The following YEATS2 variants were observed in gnomAD, a reference collection of about 807,000 sequenced individuals.
YEATS2 encodes the protein YEATS domain containing 2.
In YEATS2, 77 loss-of-function variants were observed where a neutral mutation model predicts 163.2. That is an observed-to-expected ratio of 0.47 (90% CI 0.39 to 0.57). The LOEUF (loss-of-function observed/expected upper bound fraction) is 0.57, where lower values mean the gene tolerates loss of function less well. Ranked by LOEUF, YEATS2 falls within the 20% of genes least tolerant of loss-of-function variation. YEATS2 has a pLI of 0.00. For missense variants in YEATS2, 1,549 were observed against 1,729.8 expected (o/e 0.90, Z 1.85); for synonymous variants, 631 against 645.1 (o/e 0.98, Z 0.33).
chr3:183,810,824 G>A lies in YEATS2; in HGVS notation c.*241G>A, dbSNP rs1238414504. 2 of 495,102 alleles carry A rather than the reference G, an allele frequency of 4.0e-6. No individual in the cohort carries two copies. The highest frequency in any genetic ancestry group is 3.7e-6 in the Non-Finnish European group (1 of 271,804). 30.7% of individuals were successfully genotyped at this position (495,102 alleles called of 1,614,324 possible). On this transcript the variant is annotated 3_prime_UTR_variant, in exon 31 of 31. Coordinates refer to ENST00000305135, the MANE Select transcript of YEATS2 (RefSeq NM_018023.5). The stretch of plus-strand genomic sequence containing the variant: ...CTGTCAGTGGATCCGTGCTTTGTCG[G>A]CCAGCGTTTCTGCAGTCTTTGTAAA...
chr3:183,708,003 G>A lies in YEATS2; in HGVS notation c.-19-7141G>A, dbSNP rs559620496. ...CCCCCTCCCCAACTTTAAACCAGATGGGAAGTCTTGAGTGAGAGCCCCAAG... is the reference window on the plus strand; with the variant it reads ...CCCCCTCCCCAACTTTAAACCAGATAGGAAGTCTTGAGTGAGAGCCCCAAG... On this transcript the variant is annotated intron_variant, in intron 1 of 30. Coordinates refer to ENST00000305135, the MANE Select transcript of YEATS2 (RefSeq NM_018023.5). Among the ~76,000 whole-genome samples, 3 of 151,984 alleles carry A rather than the reference G, an allele frequency of 2.0e-5. No homozygotes were observed. In the East Asian group the frequency reaches 5.8e-4, roughly 29 times the overall value.
At chr3:183,718,933 G>A (rs1387537014) in intron 4 of YEATS2, among the ~76,000 whole-genome samples, 2 of 152,094 alleles carry the variant, frequency 1.3e-5, no homozygotes, top group African/African-American at 4.8e-5. Context: ...GACCTCAGGT[G>A]ATCCACCCAC....
intron 15 of YEATS2, among the ~76,000 whole-genome samples, chr3:183,771,657 C>G (rs1253161524): frequency 2.8e-5 from 4 of 143,570 alleles, no homozygotes; most frequent in Non-Finnish European, 6.0e-5. Flanking sequence ...CTCAAGGGAT[C>G]CTCCCCTGCC....
chr3:183,739,236 T>C (rs950925093), intron 8 of YEATS2, among the ~76,000 whole-genome samples: 4 of 151,852 alleles, frequency 2.6e-5, no homozygotes, highest in Admixed American at 2.0e-4. Flanking sequence ...AAAATCTCCT[T>C]AAGCTGATAA....
chr3:183,722,253 T>G, intron 5 of YEATS2, 117 bp downstream of exon 5: 3 of 1,127,672 alleles, frequency 2.7e-6, no homozygotes, highest in Non-Finnish European at 3.6e-6. Context: ...AGGTTTGTTT[T>G]CCTTTTATAA....
chr3:183,730,062 T>TGG (rs2109114108), intron 7 of YEATS2, among the ~76,000 whole-genome samples: 1 of 92,772 alleles, frequency 1.1e-5, no homozygotes, highest in East Asian at 2.8e-4. Context: ...GTTTTTTTTT[T>TGG]TTTTTTTTTT....
chr3:183,800,924 C>T (rs540946471), intron 24 of YEATS2: 5 of 197,906 alleles, frequency 2.5e-5, no homozygotes, highest in Non-Finnish European at 3.1e-5. Context: ...GGTGTCCACA[C>T]ACCTGCCTCA....
Position 183,758,847 on chromosome 3 carries a change from T to A in YEATS2, c.1553-15T>A. ...TTTTACTTTGTTTATGTTTTAATTG[T>A]GCCTTGCTTATCAGGAAGTCCTACA... is the stretch of plus-strand genomic sequence containing the variant. On this transcript the variant is annotated splice_polypyrimidine_tract_variant and intron_variant, in intron 12 of 30. Coordinates refer to ENST00000305135, the MANE Select transcript of YEATS2 (RefSeq NM_018023.5). 6.6e-7 allele frequency: 1 copy of A among 1,517,458 alleles called. No homozygotes were observed. Among genetic ancestry groups the A allele is most frequent in the Non-Finnish European group, 9.0e-7 (1 of 1,106,242 alleles). The allele number at this position is 1,517,458 out of a possible 1,614,324, so 94.0% of individuals were successfully genotyped here. A position where few individuals can be genotyped will look rare whatever the true frequency, so the allele number is the denominator to read the frequency against.
At chr3:183,745,621 T>C (rs1211965239) in intron 8 of YEATS2, among the ~76,000 whole-genome samples, 1 of 152,212 alleles carries the variant, frequency 6.6e-6, no homozygotes, top group African/African-American at 2.4e-5. Flanking sequence ...TAAATATACA[T>C]TAAATATTAA....
chr3:183,808,856 AAAAT>A (rs1390971347), intron 29 of YEATS2: 236 of 403,340 alleles, frequency 5.9e-4, no homozygotes, highest in South Asian at 8.8e-4. Context: ...ACTCCATCTC[AAAAT>A]AAATAAATAA....
intron 6 of YEATS2, among the ~76,000 whole-genome samples, chr3:183,727,675 T>C: frequency 6.6e-6 from 1 of 152,176 alleles, no homozygotes; most frequent in East Asian, 1.9e-4. Flanking sequence ...GGCCTCATAC[T>C]GAAATAAAGA....
At chr3:183,703,601 G>A (rs1577022898) in intron 1 of YEATS2, among the ~76,000 whole-genome samples, 1 of 152,210 alleles carries the variant, frequency 6.6e-6, no homozygotes, top group African/African-American at 2.4e-5. Flanking sequence ...GGAGGTGACA[G>A]TGTTAAGAGT....
At chr3:183,792,106 A>C (rs2108487483) in intron 21 of YEATS2, among the ~76,000 whole-genome samples, 1 of 152,332 alleles carries the variant, frequency 6.6e-6, no homozygotes, top group African/African-American at 2.4e-5. Context: ...CTAAAATCCC[A>C]AAAGCTGTGA....
intron 8 of YEATS2, among the ~76,000 whole-genome samples, chr3:183,738,485 C>G (rs530298465): frequency 1.5e-5 from 2 of 134,026 alleles, no homozygotes; most frequent in Non-Finnish European, 3.1e-5. Context: ...ATGTGCCATA[C>G]TGGTGCGCTG....
intron 1 of YEATS2, among the ~76,000 whole-genome samples, chr3:183,709,172 G>A (rs1322071705): frequency 6.6e-6 from 1 of 151,326 alleles, no homozygotes; most frequent in African/African-American, 2.4e-5. Flanking sequence ...AAAAAAAAAA[G>A]TTTGGTTTTC....
intron 1 of YEATS2, among the ~76,000 whole-genome samples, chr3:183,705,687 T>G (rs1251365426): frequency 6.6e-6 from 1 of 152,008 alleles, no homozygotes; most frequent in African/African-American, 2.4e-5. Context: ...TGAAAACTAA[T>G]GTAAGGTAGT....
chr3:183,747,526 A>C (rs530760718), intron 8 of YEATS2, 146 bp from the exon 9 acceptor site: 2 of 386,846 alleles, frequency 5.2e-6, no homozygotes, highest in South Asian at 1.6e-4. Context: ...TTTTTATTGA[A>C]GTGATGAATT....
intron 8 of YEATS2, among the ~76,000 whole-genome samples, chr3:183,743,252 CAACTGAAAT>C (rs1362724507): frequency 6.6e-6 from 1 of 152,168 alleles, no homozygotes; most frequent in African/African-American, 2.4e-5. Context: ...AAAGTTGGAG[CAACTGAAAT>C]AATGACATTG....
In YEATS2 at chr3:183,748,922, G is replaced by GTA. The variant is rs879755648; in HGVS notation, c.969+1218_969+1219dup. On this transcript the variant is annotated intron_variant, in intron 9 of 30. Transcript: ENST00000305135. ...CCTTGGTTCATATATATATGTGTGT[G>GTA]TATATATATATATTTTCAAAATGTA... Among the ~76,000 whole-genome samples, 20 of 151,656 alleles carry GTA rather than the reference G, an allele frequency of 1.3e-4. No homozygotes were observed. The East Asian group carries it at 1.4e-3, about 10-fold the overall frequency.
Sources: allele counts gnomAD v4.1 joint callset (sites outside exome capture counted in the v4.1 genomes callset), GRCh38; gene constraint gnomAD v4.1.1; transcripts MANE v1.5; gene names NCBI Gene and HGNC (gene_info 2026-07-23, HGNC 2026-07-21).